FGD4: variants seen among roughly 807,000 people sequenced by gnomAD.
FGD4 encodes the protein FYVE, RhoGEF and PH domain-containing protein 4.
A neutral mutation model predicts 102.0 loss-of-function variants in FGD4; 42 were observed. That is an observed-to-expected ratio of 0.41 (90% confidence interval 0.32 to 0.53). The LOEUF (loss-of-function observed/expected upper bound fraction) is 0.53. Among genes scored for constraint, FGD4 ranks in the 20% least tolerant of loss-of-function variants. FGD4 has a pLI of 0.21. For missense variants in FGD4, 902 were observed against 1,078.2 expected (o/e 0.84, Z 2.29); for synonymous variants, 380 against 375.7 (o/e 1.01, Z -0.13).
chr12:32,471,983 G>C (rs557442339), intron 1 of FGD4, among the ~76,000 whole-genome samples: 1 of 152,318 alleles, frequency 6.6e-6, no homozygotes, highest in South Asian at 2.1e-4. Flanking sequence ...TGACCAGAGT[G>C]TGCTCTCTGG....
At position 32,597,439 on chromosome 12, in the gene FGD4, A is replaced by T. The variant is rs1451324153; in HGVS notation, c.1012-1058A>T. On this transcript the variant is annotated intron_variant, in intron 4 of 16. Transcript: ENST00000534526. ...AATTGTACCATTACCAGGAGGAGAA[A>T]ATTAGGAGTTAATAGTAGGGTAGAG... Among the ~76,000 whole-genome samples the T allele has an allele frequency of 2.0e-5, 3 of 152,182 alleles. No individual in the cohort carries two copies. The East Asian group carries it at 5.8e-4, about 29-fold the overall frequency.
At chr12:32,425,024 C>T (rs1216874552) in intron 1 of FGD4, among the ~76,000 whole-genome samples, 1 of 152,146 alleles carries the variant, frequency 6.6e-6, no homozygotes, top group Non-Finnish European at 1.5e-5. Flanking sequence ...TGTAGGTTGC[C>T]TGTTCACTCT....
At chr12:32,638,537 A>C (rs1228942092) in intron 15 of FGD4, 118 bp from the exon 16 acceptor site, 12 of 1,361,090 alleles carry the variant, frequency 8.8e-6, no homozygotes, top group Admixed American at 3.9e-5. Flanking sequence ...AATAATTGCA[A>C]ATGAATCTTT....
chr12:32,573,451 T>A (rs1945859965), intron 2 of FGD4, among the ~76,000 whole-genome samples: 2 of 152,216 alleles, frequency 1.3e-5, no homozygotes, highest in Admixed American at 1.3e-4. Context: ...TCTTTTTCTT[T>A]TAGTCCTGCG....
intron 4 of FGD4, among the ~76,000 whole-genome samples, chr12:32,597,687 T>C (rs1470393159): frequency 6.6e-6 from 1 of 152,154 alleles, no homozygotes; most frequent in Non-Finnish European, 1.5e-5. Context: ...CAGAGTTATA[T>C]AAGTATATTT....
intron 13 of FGD4, 26 bp downstream of exon 13, chr12:32,625,094 C>A (rs758190236): frequency 1.3e-6 from 2 of 1,567,692 alleles, no homozygotes; most frequent in Non-Finnish European, 1.8e-6. Context: ...TTCTTAACTT[C>A]AACCTCTTTC....
intron 1 of FGD4, among the ~76,000 whole-genome samples, chr12:32,524,350 C>T (rs1171942562): frequency 1.4e-4 from 20 of 142,278 alleles, no homozygotes; most frequent in African/African-American, 5.0e-4. Context: ...GAGCCGAGAT[C>T]GCGCCATTGC....
At chr12:32,553,717 C>T (rs17538348) in intron 1 of FGD4, among the ~76,000 whole-genome samples, 10,248 of 152,244 alleles carry the variant, frequency 0.067, 384 homozygotes, top group South Asian at 0.14. Context: ...GTATGACATT[C>T]TTTAATTTTA....
In FGD4 at chr12:32,506,552, G is replaced by A. The variant is rs1938763152; in HGVS notation, c.167-57585G>A. 1.3e-5 allele frequency among the ~76,000 whole-genome samples: 2 copies of A among 152,074 alleles called. No homozygotes were observed. Among genetic ancestry groups the A allele is most frequent in the African/African-American group, 4.8e-5 (2 of 41,408 alleles). On this transcript the variant is annotated intron_variant, in intron 1 of 16. Coordinates refer to ENST00000534526, the MANE Select transcript of FGD4 (RefSeq NM_001370298.3). The surrounding 1 kb of genome is among the most constrained non-coding windows in gnomAD (Gnocchi z 4.5). ...GTGGGTTAGTACAACTTTCCTGTGG[G>A]CCTTTCCACAGGTATACGACCCGCA...
At chr12:32,545,425 G>C (rs963296595) in intron 1 of FGD4, among the ~76,000 whole-genome samples, 1 of 152,140 alleles carries the variant, frequency 6.6e-6, no homozygotes, top group African/African-American at 2.4e-5. Context: ...TGATTATTTA[G>C]GTCAAGTTCT....
intron 1 of FGD4, among the ~76,000 whole-genome samples, chr12:32,439,128 C>T (rs1942340539): frequency 6.6e-6 from 1 of 152,146 alleles, no homozygotes; most frequent in African/African-American, 2.4e-5. Flanking sequence ...CAAAACTGCA[C>T]CCCCAACTCC....
chr12:32,506,706 A>G lies in FGD4; in HGVS notation c.167-57431A>G, dbSNP rs1049158671. Among the ~76,000 whole-genome samples the G allele has an allele frequency of 1.3e-5, 2 of 152,228 alleles. No individual in the cohort carries two copies. Among genetic ancestry groups the G allele is most frequent in the South Asian group, 2.1e-4 (1 of 4,818 alleles). ...TGTTAACGTTGCATTCATTCATCAG[A>G]TATTTCTTGCACATTTACTCTATGC... is the stretch of plus-strand genomic sequence containing the variant. On this transcript the variant is annotated intron_variant, in intron 1 of 16. Transcript: ENST00000534526. The surrounding 1 kb of genome is among the most constrained non-coding windows in gnomAD (Gnocchi z 4.5).
chr12:32,608,552 C>CT (rs1403232591), intron 8 of FGD4, among the ~76,000 whole-genome samples: 1 of 152,104 alleles, frequency 6.6e-6, no homozygotes, highest in Non-Finnish European at 1.5e-5. Flanking sequence ...GGAAATGGTG[C>CT]TTTTTATTGT....
intron 10 of FGD4, among the ~76,000 whole-genome samples, chr12:32,616,182 C>T (rs567255031): frequency 6.6e-6 from 1 of 152,298 alleles, no homozygotes; most frequent in Non-Finnish European, 1.5e-5. Flanking sequence ...TGCAGTTAAA[C>T]TCTGAGCTCT....
chr12:32,601,152 C>G, intron 5 of FGD4, 126 bp from the exon 6 acceptor site: 2 of 928,308 alleles, frequency 2.2e-6, no homozygotes, highest in Admixed American at 2.2e-5. Context: ...TCAAAGGATT[C>G]TCTTGAACTG....
chr12:32,518,133 ACTAT>A (rs1253708034), intron 1 of FGD4, among the ~76,000 whole-genome samples: 4 of 152,282 alleles, frequency 2.6e-5, no homozygotes, highest in African/African-American at 7.2e-5. Flanking sequence ...CTTGTGAAAG[ACTAT>A]CTGTCTAGGA....
chr12:32,488,854 G>A (rs183179677), intron 1 of FGD4, among the ~76,000 whole-genome samples: 4 of 152,234 alleles, frequency 2.6e-5, no homozygotes, highest in African/African-American at 9.6e-5. Context: ...CAGGAGAATC[G>A]CTTGAACCCG....
intron 4 of FGD4, among the ~76,000 whole-genome samples, chr12:32,590,330 A>G (rs1022832958): frequency 1.1e-4 from 16 of 150,418 alleles, no homozygotes; most frequent in South Asian, 2.1e-4. Context: ...AAAAAAAAAA[A>G]GCAAGGAATG....
intron 1 of FGD4, among the ~76,000 whole-genome samples, chr12:32,494,063 T>G (rs1484355882): frequency 6.6e-6 from 1 of 152,190 alleles, no homozygotes; most frequent in Non-Finnish European, 1.5e-5. Context: ...AAGTGTTTTC[T>G]AAGAGTTGAT....
Sources: gnomAD v4.1 joint callset for allele counts (sites outside exome capture counted in the v4.1 genomes callset) on GRCh38, gnomAD v4.1.1 for gene constraint, Gnocchi (gnomAD v3.1) non-coding constraint, MANE v1.5 for transcripts, NCBI Gene and HGNC (gene_info 2026-07-23, HGNC 2026-07-21) for gene names.